The following SHISA9 variants were observed in gnomAD, a reference collection of about 807,000 sequenced individuals.
SHISA9 encodes protein shisa-9.
In SHISA9, 13 loss-of-function variants were observed where a neutral mutation model predicts 38.0. The ratio of observed to expected loss-of-function variants is 0.34; its 90% confidence interval spans 0.22 to 0.54. The LOEUF is 0.54. Among genes scored for constraint, SHISA9 ranks in the 20% least tolerant of loss-of-function variants. The probability of loss-of-function intolerance (pLI) is 0.91; values close to 1 mark genes in which losing one functional copy is unlikely to be tolerated. For missense variants in SHISA9, 538 were observed against 575.8 expected (o/e 0.93, Z 0.67); for synonymous variants, 275 against 242.0 (o/e 1.14, Z -1.27).
At chr16:13,124,787 CA>C (rs1203160324) in intron 2 of SHISA9, among the ~76,000 whole-genome samples, 2 of 152,064 alleles carry the variant, frequency 1.3e-5, no homozygotes, top group African/African-American at 4.8e-5. Flanking sequence ...ACCAATGGAG[CA>C]GAATAGAGAA....
chr16:13,203,262 C>A (rs1256708812), intron 2 of SHISA9, 132 bp from the exon 3 acceptor site: 38 of 765,188 alleles, frequency 5.0e-5, no homozygotes, highest in African/African-American at 7.1e-5. Flanking sequence ...TATCTGTGAA[C>A]CCTCTGCTGT....
At chr16:12,918,410 A>G (rs758398279) in intron 2 of SHISA9, among the ~76,000 whole-genome samples, 5 of 152,216 alleles carry the variant, frequency 3.3e-5, no homozygotes, top group Non-Finnish European at 7.3e-5. Flanking sequence ...GGTGATTGCT[A>G]ACAGGATTTT....
intron 2 of SHISA9, among the ~76,000 whole-genome samples, chr16:12,996,660 A>T (rs971158264): frequency 1.3e-5 from 2 of 152,158 alleles, no homozygotes; most frequent in Middle Eastern, 3.4e-3. Flanking sequence ...CCTGGGATCT[A>T]TGGGTCCTCA....
the SHISA9 span, among the ~76,000 whole-genome samples, chr16:13,344,959 AG>A: frequency 6.6e-6 from 1 of 152,158 alleles, no homozygotes; most frequent in Non-Finnish European, 1.5e-5. Flanking sequence ...TGAGTCTCCA[AG>A]GGCCTGCAAC....
the SHISA9 span, among the ~76,000 whole-genome samples, chr16:13,407,441 C>A: frequency 6.6e-6 from 1 of 152,108 alleles, no homozygotes; most frequent in African/African-American, 2.4e-5. Flanking sequence ...TTCTCATGAC[C>A]TAATAACCCC....
chr16:13,544,503 G>A, the SHISA9 span, among the ~76,000 whole-genome samples: 1 of 142,636 alleles, frequency 7.0e-6, no homozygotes, highest in African/African-American at 2.7e-5. Context: ...AAGTTTTCAG[G>A]GAGATTGCAC....
chr16:13,442,061 A>G, the SHISA9 span, among the ~76,000 whole-genome samples: 6 of 152,386 alleles, frequency 3.9e-5, no homozygotes, highest in East Asian at 1.2e-3. Context: ...CCTGTTGGCA[A>G]GAAGCAGCCA....
At chr16:13,133,536 C>G (rs13331728) in intron 2 of SHISA9, among the ~76,000 whole-genome samples, 17,959 of 152,142 alleles carry the variant, frequency 0.12, 1,289 homozygotes, top group East Asian at 0.24. Flanking sequence ...AGATATTTCT[C>G]TGTCCCCACA....
At chr16:13,254,456 G>A in the SHISA9 span, among the ~76,000 whole-genome samples, 1 of 152,326 alleles carries the variant, frequency 6.6e-6, no homozygotes, top group Non-Finnish European at 1.5e-5. Flanking sequence ...TTGGTTGCTA[G>A]GTCTCTCTGG....
chr16:13,416,942 A>G, the SHISA9 span, among the ~76,000 whole-genome samples: 1 of 152,214 alleles, frequency 6.6e-6, no homozygotes, highest in Non-Finnish European at 1.5e-5. Flanking sequence ...ATAAAACCTA[A>G]GAAATTTGAA....
chr16:13,226,201 A>G (rs912697829), intron 4 of SHISA9, among the ~76,000 whole-genome samples: 4 of 152,236 alleles, frequency 2.6e-5, no homozygotes, highest in African/African-American at 7.2e-5. Context: ...GGGGAACAGA[A>G]ACATTATGAA....
the SHISA9 span, among the ~76,000 whole-genome samples, chr16:13,248,761 C>T: frequency 6.6e-6 from 1 of 151,936 alleles, no homozygotes; most frequent in African/African-American, 2.4e-5. Flanking sequence ...TGTTGGGGTC[C>T]CCAGAAAGCG....
intron 2 of SHISA9, among the ~76,000 whole-genome samples, chr16:13,076,783 T>A (rs948488503): frequency 2.0e-5 from 3 of 152,238 alleles, no homozygotes; most frequent in Non-Finnish European, 4.4e-5. Context: ...TCCAGGAATC[T>A]ACTTGGTTGT....
intron 2 of SHISA9, among the ~76,000 whole-genome samples, chr16:13,160,606 CA>C (rs1400175313): frequency 6.6e-6 from 1 of 152,146 alleles, no homozygotes; most frequent in Non-Finnish European, 1.5e-5. Flanking sequence ...TCAGGAAGTG[CA>C]AACCTAAGTA....
chr16:13,557,143 G>A, the SHISA9 span, among the ~76,000 whole-genome samples: 2 of 152,146 alleles, frequency 1.3e-5, no homozygotes, highest in African/African-American at 2.4e-5. Context: ...TGAATAAACA[G>A]AATATTCTTC....
At chr16:13,361,068 A>G in the SHISA9 span, among the ~76,000 whole-genome samples, 2 of 152,164 alleles carry the variant, frequency 1.3e-5, no homozygotes, top group African/African-American at 4.8e-5. Context: ...ATAGACACTC[A>G]AGCTCTGTTA....
chr16:13,044,035 G>C (rs1049203663), intron 2 of SHISA9, among the ~76,000 whole-genome samples: 3 of 152,122 alleles, frequency 2.0e-5, no homozygotes, highest in African/African-American at 7.2e-5. Flanking sequence ...GCCTGTTTGT[G>C]GTCCCCCAGT....
chr16:13,207,049 A>G (rs557077666), intron 3 of SHISA9, among the ~76,000 whole-genome samples: 1 of 152,368 alleles, frequency 6.6e-6, no homozygotes, highest in African/African-American at 2.4e-5. Flanking sequence ...AAAAATCAAC[A>G]GGCCAGGAGT....
At chr16:13,360,820 C>A in the SHISA9 span, among the ~76,000 whole-genome samples, 1 of 152,186 alleles carries the variant, frequency 6.6e-6, no homozygotes, top group Non-Finnish European at 1.5e-5. Context: ...GCTTCAGCCT[C>A]CCGGCCTTCT....
Sources: allele counts gnomAD v4.1 joint callset (sites outside exome capture counted in the v4.1 genomes callset), GRCh38; gene constraint gnomAD v4.1.1; transcripts MANE v1.5; gene names NCBI Gene and HGNC (gene_info 2026-07-23, HGNC 2026-07-21).